FAM83G: variants seen among roughly 807,000 people sequenced by gnomAD.
The protein encoded by FAM83G is protein FAM83G.
FAM83G carries 38 observed loss-of-function variants against 61.5 expected under a neutral mutation model. That is an observed-to-expected ratio of 0.62 (90% confidence interval 0.48 to 0.81). The LOEUF is 0.81. Ranked by LOEUF, FAM83G falls within the 30% of genes least tolerant of loss-of-function variation. The pLI, the probability that FAM83G is intolerant of heterozygous loss-of-function variation, is 0.00. For missense variants in FAM83G, 989 were observed against 1,133.6 expected (o/e 0.87, Z 1.83); for synonymous variants, 470 against 476.1 (o/e 0.99, Z 0.17).
chr17:19,002,859 C>T (rs966841347), intron 2 of FAM83G, among the ~76,000 whole-genome samples: 3 of 152,136 alleles, frequency 2.0e-5, no homozygotes, highest in East Asian at 1.9e-4. Context: ...AGGTCCCTTC[C>T]GGTGGCAAAA....
intron 3 of FAM83G, among the ~76,000 whole-genome samples, chr17:18,982,628 G>A (rs1488398704): frequency 6.6e-6 from 1 of 152,178 alleles, no homozygotes; most frequent in East Asian, 1.9e-4. Context: ...CTCAGCGGGT[G>A]GCAAGGCAAG....
At chr17:18,972,625 G>A (rs2042882920) in intron 5 of FAM83G, among the ~76,000 whole-genome samples, 1 of 152,204 alleles carries the variant, frequency 6.6e-6, no homozygotes, top group Non-Finnish European at 1.5e-5. Context: ...CACTTTGGGA[G>A]GCTGACATGG....
chr17:18,972,331 G>A (rs2042875418), intron 5 of FAM83G, among the ~76,000 whole-genome samples: 1 of 152,232 alleles, frequency 6.6e-6, no homozygotes, highest in African/African-American at 2.4e-5. Flanking sequence ...GGCAGCCACA[G>A]CCAGCCTCTG....
chr17:18,978,376 A>T lies in FAM83G; in HGVS notation c.1290T>A (p.Asn430Lys). The change falls in exon 5 of 6, where the codon AAT becomes AAA. Residue 430 changes from asparagine to lysine, a missense_variant. Coordinates refer to ENST00000388995, the MANE Select transcript of FAM83G (RefSeq NM_001039999.3). ...EPGSDILGYI[N>K]IIDPNIWNPQ... ...GGTTCCAGATGTTGGGGTCGATGAT[A>T]TTGATGTAGCCCAGGATGTCGCTGC... is the stretch of plus-strand genomic sequence containing the variant. 1 of 1,593,670 alleles carries T rather than the reference A, an allele frequency of 6.3e-7. No individual in the cohort carries two copies. The highest frequency in any genetic ancestry group is 8.5e-7 in the Non-Finnish European group (1 of 1,170,280).
intron 2 of FAM83G, among the ~76,000 whole-genome samples, chr17:18,999,716 T>C (rs1447170044): frequency 6.6e-6 from 1 of 152,164 alleles, no homozygotes; most frequent in East Asian, 1.9e-4. Context: ...AGAAAAAATG[T>C]GGGGTGAATC....
Position 18,970,742 on chromosome 17 carries a change from GCTGGGCCAGCGGGA to G in FAM83G, c.*603_*616del. 1 of 485,772 alleles carries G rather than the reference GCTGGGCCAGCGGGA, an allele frequency of 2.1e-6. No homozygotes were observed. The highest frequency in any genetic ancestry group is 3.3e-5 in the Admixed American group (1 of 30,006). The allele number at this position is 485,772 out of a possible 1,614,324, so 30.1% of individuals were successfully genotyped here. ...TGTCCAGAGGCCAACAGTGACTCCT[GCTGGGCCAGCGGGA>G]CACTGGGGTGCCCATGTGCAAAATG... On this transcript the variant is annotated 3_prime_UTR_variant, in exon 6 of 6. Transcript: ENST00000388995.
rs758362566 is a variant in FAM83G at position 18,971,114 on chromosome 17, G to A, written c.*245C>T. The A allele has an allele frequency of 6.2e-7, 1 of 1,614,124 alleles. No individual in the cohort carries two copies. The highest frequency in any genetic ancestry group is 8.5e-7 in the Non-Finnish European group (1 of 1,180,034). On this transcript the variant is annotated 3_prime_UTR_variant, in exon 6 of 6. Transcript: ENST00000388995. This position sits in a 1 kb window ranked among gnomAD's most constrained non-coding sequence, Gnocchi z 5.5. The stretch of plus-strand genomic sequence containing the variant: ...CACCACCTGCCACCTGCCACGTACA[G>A]ACGCCATGCACATGTTTCGAGACCC...
Position 18,969,540 on chromosome 17 carries a change from G to C in FAM83G, c.*1819C>G. 1.0e-6 allele frequency: 1 copy of C among 960,034 alleles called. No individual in the cohort carries two copies. Among genetic ancestry groups the C allele is most frequent in the African/African-American group, 1.6e-5 (1 of 61,420 alleles). The allele number at this position is 960,034 out of a possible 1,614,324, so 59.5% of individuals were successfully genotyped here. A position where few individuals can be genotyped will look rare whatever the true frequency, so the allele number is the denominator to read the frequency against. On this transcript the variant is annotated 3_prime_UTR_variant, in exon 6 of 6. Coordinates refer to ENST00000388995, the MANE Select transcript of FAM83G (RefSeq NM_001039999.3). ...TTGGGGTTCTGGGTAGCATCGCTGG[G>C]AGTGGGTGGGTTCAGGAGGTTGAGC... is the stretch of plus-strand genomic sequence containing the variant.
Position 18,978,221 on chromosome 17 carries a change from G to T in FAM83G, c.1445C>A (p.Ala482Asp). 6.3e-7 allele frequency: 1 copy of T among 1,579,700 alleles called. No individual in the cohort carries two copies. Among genetic ancestry groups the T allele is most frequent in the Non-Finnish European group, 8.6e-7 (1 of 1,162,944 alleles). The change falls in exon 5 of 6, where the codon GCC becomes GAC. Residue 482 changes from alanine (A) to aspartate (D), a missense_variant. Ala to Asp is a moderately radical substitution (Grantham distance 126, BLOSUM62 -2). This residue lies in a region of FAM83G where 574 missense variants were observed against 645.1 expected (regional missense o/e 0.89). Transcript: ENST00000388995. ...CTCAGCTGGGACACCGTCCTGGGGG[G>T]CACTGGGCTCTGGGGGAGGGCAAGG... ...PEPCPPPEPS[A>D]PQDGVPAENG... is the part of the protein sequence containing the mutation.
chr17:18,977,611 G>T lies in FAM83G; in HGVS notation c.2055C>A (p.Ala685=). The change falls in exon 5 of 6, where the codon GCC becomes GCA. Residue 685 remains alanine, a synonymous_variant. Transcript: ENST00000388995. ...EEADALKRMQ[A]QRSTDKEAQG... is the part of the protein sequence containing the mutation. ...GTGCCTCCTTGTCTGTGGAGCGCTG[G>T]GCCTGCATCCTCTTCAACGCATCTG... 1 of 1,609,274 alleles carries T rather than the reference G, an allele frequency of 6.2e-7. No homozygotes were observed.
chr17:18,981,749 T>C (rs2043138380), intron 3 of FAM83G, among the ~76,000 whole-genome samples: 1 of 152,130 alleles, frequency 6.6e-6, no homozygotes, highest in African/African-American at 2.4e-5. Flanking sequence ...AAGCCTCTGC[T>C]CCCAGGGCCG....
intron 2 of FAM83G, among the ~76,000 whole-genome samples, chr17:18,991,129 G>A (rs948645185): frequency 2.0e-5 from 3 of 152,202 alleles, no homozygotes; most frequent in African/African-American, 4.8e-5. Context: ...AGAGGCATTC[G>A]CCACCTTGCC....
intron 5 of FAM83G, chr17:18,977,217 G>A: frequency 4.8e-6 from 3 of 624,310 alleles, no homozygotes; most frequent in South Asian, 2.1e-5. Context: ...CCTCAAGGCT[G>A]TAAATGAACG....
At chr17:19,005,072 C>T (rs2043846082), upstream of FAM83G, among the ~76,000 whole-genome samples, 1 of 152,194 alleles carries the variant, frequency 6.6e-6, no homozygotes, top group African/African-American at 2.4e-5. Context: ...CTGGATCAAC[C>T]CTGGCTGTGC....
In FAM83G at chr17:18,988,294, A is replaced by G; in HGVS notation, c.643T>C (p.Phe215Leu). ...IIVDESNVKY[F>L]LHMCERACMH... Reference sequence around the variant, plus strand: ...CAGGCCCGCTCACACATGTGCAGGAAGTACTTGACGTTACTCTCATCCACG... The same window carrying G: ...CAGGCCCGCTCACACATGTGCAGGAGGTACTTGACGTTACTCTCATCCACG... Residue 215 changes from phenylalanine (F) to leucine (L), a missense_variant, in exon 3 of 6, where the codon TTC (phenylalanine) becomes CTC (leucine). By Grantham distance (22) the Phe-to-Leu change is conservative. Transcript: ENST00000388995. The G allele has an allele frequency of 6.2e-7, 1 of 1,614,116 alleles. No homozygotes were observed. Among genetic ancestry groups the G allele is most frequent in the South Asian group, 1.1e-5 (1 of 91,086 alleles).
chr17:18,991,490 G>T (rs2043423499), intron 2 of FAM83G, among the ~76,000 whole-genome samples: 1 of 152,232 alleles, frequency 6.6e-6, no homozygotes, highest in African/African-American at 2.4e-5. Flanking sequence ...GTCCTGGGCA[G>T]GGCAAGGGCT....
Position 18,977,772 on chromosome 17 carries a change from G to A in FAM83G, c.1894C>T (p.Arg632Cys), listed in dbSNP as rs771103367. ...VREHSVPLRR[R>C]HSEQVANGPT... ...CCGTTGGCCACTTGCTCTGAGTGGCGCCTCCGGAGAGGGACTGAGTGCTCT... is the reference window on the plus strand; with the variant it reads ...CCGTTGGCCACTTGCTCTGAGTGGCACCTCCGGAGAGGGACTGAGTGCTCT... Residue 632 changes from arginine to cysteine, a missense_variant, in exon 5 of 6, where the codon CGC becomes TGC. By Grantham distance (180) the Arg-to-Cys change is radical. This residue lies in a region of FAM83G where 574 missense variants were observed against 645.1 expected (regional missense o/e 0.89). Coordinates refer to ENST00000388995, the MANE Select transcript of FAM83G (RefSeq NM_001039999.3). 3 of 1,602,834 alleles carry A rather than the reference G, an allele frequency of 1.9e-6. No homozygotes were observed. Among genetic ancestry groups the A allele is most frequent in the Non-Finnish European group, 1.7e-6 (2 of 1,174,532 alleles).
rs367716177 is a variant in FAM83G at position 18,982,373 on chromosome 17, C to T, written c.691-2700G>A. On this transcript the variant is annotated intron_variant, in intron 3 of 5. Transcript: ENST00000388995. ...ACGGGGCCTGGCCTGGATGAGGTAA[C>T]GTCTCAAGACTCTGGGCTCGTGTGC... Among the ~76,000 whole-genome samples the T allele has an allele frequency of 2.5e-3, 385 of 152,340 alleles. 1 individual carries two copies. Among genetic ancestry groups the T allele is most frequent in the African/African-American group, 9.0e-3 (374 of 41,574 alleles).
intron 2 of FAM83G, among the ~76,000 whole-genome samples, chr17:18,997,515 C>T (rs1188860275): frequency 6.6e-6 from 1 of 152,234 alleles, no homozygotes; most frequent in Non-Finnish European, 1.5e-5. Flanking sequence ...AATCTCAAAA[C>T]TATAGATTCA....
Sources: allele counts gnomAD v4.1 joint callset (sites outside exome capture counted in the v4.1 genomes callset), GRCh38; gene constraint gnomAD v4.1.1; regional missense constraint gnomAD v4.1.1; non-coding constraint Gnocchi (gnomAD v3.1); transcripts MANE v1.5; gene names NCBI Gene and HGNC (gene_info 2026-07-23, HGNC 2026-07-21).